The following ITPKB variants were observed in gnomAD, a reference collection of about 807,000 sequenced individuals.
ITPKB encodes the protein IP3 3-kinase B.
ITPKB carries 13 observed loss-of-function variants against 69.4 expected under a neutral mutation model. The observed-to-expected ratio is 0.19, with a 90% confidence interval of 0.12 to 0.30. The LOEUF is 0.30. Ranked by LOEUF, ITPKB falls within the 10% of genes least tolerant of loss-of-function variation. The probability of loss-of-function intolerance (pLI) is 1.00; values close to 1 mark genes in which losing one functional copy is unlikely to be tolerated. For missense variants in ITPKB, 1,240 were observed against 1,250.5 expected (o/e 0.99, Z 0.13); for synonymous variants, 584 against 513.7 (o/e 1.14, Z -1.85).
At chr1:226,674,997 T>C (rs1334176998) in intron 2 of ITPKB, 1 of 150,172 alleles carries the variant, frequency 6.7e-6, no homozygotes, top group Non-Finnish European at 1.5e-5. Context: ...ACAAGGTGAC[T>C]CCACGAGAAC....
At chr1:226,676,824 T>G (rs3768386) in intron 2 of ITPKB, among the ~76,000 whole-genome samples, 33,880 of 152,232 alleles carry the variant, frequency 0.22, 3,951 homozygotes, top group Middle Eastern at 0.34. Flanking sequence ...AACAATCCAC[T>G]GAATTGGGTA....
chr1:226,717,398 C>G (rs1357021285), intron 2 of ITPKB, among the ~76,000 whole-genome samples: 3 of 152,184 alleles, frequency 2.0e-5, no homozygotes, highest in African/African-American at 7.2e-5. Flanking sequence ...GGAAGCATCT[C>G]TGGGACCTTC....
chr1:226,718,427 C>T (rs1210468091), intron 2 of ITPKB, among the ~76,000 whole-genome samples: 1 of 151,996 alleles, frequency 6.6e-6, no homozygotes, highest in African/African-American at 2.4e-5. Context: ...GACCCCATCT[C>T]TACAAAATAA....
At chr1:226,650,193 C>T (rs758307652) in intron 2 of ITPKB, among the ~76,000 whole-genome samples, 2 of 152,238 alleles carry the variant, frequency 1.3e-5, no homozygotes, top group South Asian at 2.1e-4. Context: ...AAGGTGAAAT[C>T]GGCCTCCTTT....
chr1:226,736,845 C>A lies in ITPKB; in HGVS notation c.614G>T (p.Trp205Leu), dbSNP rs1422771284. Residue 205 changes from tryptophan (W) to leucine (L), a missense_variant, in exon 2 of 8, where the codon TGG becomes TTG. This residue lies in a region of ITPKB where 992 missense variants were observed against 853.8 expected (regional missense o/e 1.16). Coordinates refer to ENST00000429204, the MANE Select transcript of ITPKB (RefSeq NM_002221.4). The part of the protein sequence containing the change: ...ARSEERRTKS[W>L]GEQCPETSGT... ...TGAAGTCTCTGGACATTGCTCCCCC[C>A]AGGACTTTGTCCTCCGTTCCTCGCT... The A allele has an allele frequency of 3.7e-6, 6 of 1,612,440 alleles. No individual in the cohort carries two copies. Among genetic ancestry groups the A allele is most frequent in the Admixed American group, 3.3e-5 (2 of 60,030 alleles).
At chr1:226,691,976 C>G (rs1034386392) in intron 2 of ITPKB, among the ~76,000 whole-genome samples, 1 of 152,166 alleles carries the variant, frequency 6.6e-6, no homozygotes, top group African/African-American at 2.4e-5. Flanking sequence ...ACCTGCTGAA[C>G]CCCAAATGGG....
At chr1:226,722,003 G>A (rs1178872783) in intron 2 of ITPKB, among the ~76,000 whole-genome samples, 1 of 151,610 alleles carries the variant, frequency 6.6e-6, no homozygotes, top group Admixed American at 6.6e-5. Context: ...AGTAGATACG[G>A]GATTTCACCA....
intron 7 of ITPKB, among the ~76,000 whole-genome samples, chr1:226,635,677 G>A (rs1030012942): frequency 8.5e-5 from 13 of 152,236 alleles, no homozygotes; most frequent in African/African-American, 3.1e-4. Flanking sequence ...CGGGGGTGGT[G>A]AAGAACCTGT....
chr1:226,733,461 G>A (rs768471475), intron 2 of ITPKB, among the ~76,000 whole-genome samples: 3 of 152,092 alleles, frequency 2.0e-5, no homozygotes, highest in East Asian at 1.9e-4. Flanking sequence ...AGGCTCCAGC[G>A]TAACAATCTG....
chr1:226,714,162 GC>G (rs969163274), intron 2 of ITPKB, among the ~76,000 whole-genome samples: 2 of 152,126 alleles, frequency 1.3e-5, no homozygotes, highest in African/African-American at 4.8e-5. Flanking sequence ...TACTCTCTTG[GC>G]CCCTTAAAAT....
At chr1:226,666,219 T>G (rs534016946) in intron 2 of ITPKB, among the ~76,000 whole-genome samples, 1 of 152,154 alleles carries the variant, frequency 6.6e-6, no homozygotes, top group African/African-American at 2.4e-5. Flanking sequence ...AGGGAGCACA[T>G]GGCACGGTGG....
At chr1:226,683,343 C>T (rs185755114) in intron 2 of ITPKB, among the ~76,000 whole-genome samples, 1 of 152,302 alleles carries the variant, frequency 6.6e-6, no homozygotes, top group East Asian at 1.9e-4. Context: ...TCTTTCTCAT[C>T]CATTATTTCT....
intron 2 of ITPKB, among the ~76,000 whole-genome samples, chr1:226,659,203 C>G (rs1669354797): frequency 6.6e-6 from 1 of 152,112 alleles, no homozygotes; most frequent in African/African-American, 2.4e-5. Context: ...AGGGCAGCAC[C>G]CAGACTGGCA....
chr1:226,640,688 G>A (rs947106879), intron 5 of ITPKB, among the ~76,000 whole-genome samples: 2 of 152,136 alleles, frequency 1.3e-5, no homozygotes, highest in East Asian at 1.9e-4. Flanking sequence ...AAAGGAAAGC[G>A]AGCGTTAAGG....
chr1:226,716,465 T>C (rs1657099044), intron 2 of ITPKB, among the ~76,000 whole-genome samples: 2 of 152,242 alleles, frequency 1.3e-5, no homozygotes, highest in Admixed American at 1.3e-4. Context: ...GCAGTTTTGT[T>C]ACATAGGTAA....
chr1:226,693,113 T>C (rs1342626880), intron 2 of ITPKB, among the ~76,000 whole-genome samples: 3 of 152,244 alleles, frequency 2.0e-5, no homozygotes, highest in Non-Finnish European at 4.4e-5. Flanking sequence ...CAGAAGCCCT[T>C]GAAGGTAGCA....
chr1:226,677,414 C>T (rs1655916062), intron 2 of ITPKB, among the ~76,000 whole-genome samples: 1 of 152,166 alleles, frequency 6.6e-6, no homozygotes, highest in African/African-American at 2.4e-5. Context: ...ACAGAGCTGC[C>T]TGAGGTTTCC....
intron 4 of ITPKB, among the ~76,000 whole-genome samples, chr1:226,645,390 C>A (rs948411403): frequency 6.6e-6 from 1 of 152,146 alleles, no homozygotes; most frequent in African/African-American, 2.4e-5. Context: ...AGAGAAGCTG[C>A]GGAAGTCAAG....
Position 226,634,806 on chromosome 1 carries a change from C to G in ITPKB, c.2706G>C (p.Thr902=). 1 of 1,609,728 alleles carries G rather than the reference C, an allele frequency of 6.2e-7. No individual in the cohort carries two copies. The highest frequency in any genetic ancestry group is 8.5e-7 in the Non-Finnish European group (1 of 1,175,998). ...GCAGGGTCTGGCCCTCAGGCAGGGG[C>G]GTGGTTTTCCCAAAGTCGATCATCC... ...KVWMIDFGKT[T]PLPEGQTLQH... is the part of the protein sequence containing the mutation. Residue 902 remains threonine, a synonymous_variant, in exon 8 of 8, where the codon ACG becomes ACC. Coordinates refer to ENST00000429204, the MANE Select transcript of ITPKB (RefSeq NM_002221.4). The surrounding 1 kb of genome is among the most constrained non-coding windows in gnomAD (Gnocchi z 6.3).
Sources: gnomAD v4.1 joint callset for allele counts (sites outside exome capture counted in the v4.1 genomes callset) on GRCh38, gnomAD v4.1.1 for gene constraint, gnomAD v4.1.1 regional missense constraint, Gnocchi (gnomAD v3.1) non-coding constraint, MANE v1.5 for transcripts, NCBI Gene and HGNC (gene_info 2026-07-23, HGNC 2026-07-21) for gene names.